Variants in DAAM1 observed in about 807,000 individuals in gnomAD.
The protein encoded by DAAM1 is dishevelled associated activator of morphogenesis 1, also known as disheveled-associated activator of morphogenesis 1.
In DAAM1, 52 loss-of-function variants were observed where a neutral mutation model predicts 130.0. The ratio of observed to expected loss-of-function variants is 0.40; its 90% CI spans 0.32 to 0.50. DAAM1 has a LOEUF of 0.50. DAAM1 is among the 20% of genes least tolerant of loss of function. The pLI, the probability that DAAM1 is intolerant of heterozygous loss-of-function variation, is 0.61. For synonymous variants in DAAM1, 452 were observed against 444.5 expected (o/e 1.02, Z -0.21); for missense variants, 1,134 against 1,303.8 (o/e 0.87, Z 2.01).
At chr14:59,198,203 CTTTCT>C (rs1361427561) in intron 1 of DAAM1, among the ~76,000 whole-genome samples, 27 of 144,910 alleles carry the variant, frequency 1.9e-4, no homozygotes, top group African/African-American at 6.4e-4. Flanking sequence ...CTTTTCTTTT[CTTTCT>C]TTTTTTTTTT....
At chr14:59,305,127 G>A (rs530660808) in intron 3 of DAAM1, among the ~76,000 whole-genome samples, 23 of 152,306 alleles carry the variant, frequency 1.5e-4, no homozygotes, top group African/African-American at 3.4e-4. Context: ...AGGGTTTAGC[G>A]TTGTGTGTCC....
At chr14:59,242,488 A>G (rs921233196) in intron 1 of DAAM1, among the ~76,000 whole-genome samples, 2 of 152,206 alleles carry the variant, frequency 1.3e-5, no homozygotes, top group African/African-American at 4.8e-5. Flanking sequence ...AGAGCTTACT[A>G]TGGCCAGACA....
chr14:59,317,413 A>ATGC (rs1325615833), intron 4 of DAAM1, among the ~76,000 whole-genome samples: 2 of 152,204 alleles, frequency 1.3e-5, no homozygotes, highest in Non-Finnish European at 2.9e-5. Context: ...AGTTCTGGCT[A>ATGC]ATCACTATGA....
At chr14:59,275,592 A>G (rs1666278616) in intron 2 of DAAM1, among the ~76,000 whole-genome samples, 1 of 152,224 alleles carries the variant, frequency 6.6e-6, no homozygotes, top group Non-Finnish European at 1.5e-5. Context: ...GATGCAGACT[A>G]TTAAAACTTG....
chr14:59,190,347 C>A (rs1359269802), intron 1 of DAAM1, among the ~76,000 whole-genome samples: 1 of 152,174 alleles, frequency 6.6e-6, no homozygotes, highest in Admixed American at 6.5e-5. Flanking sequence ...AAAATCTCTT[C>A]CCCCTTTCGG....
chr14:59,319,942 A>T (rs1331131814), intron 4 of DAAM1, among the ~76,000 whole-genome samples: 5 of 151,920 alleles, frequency 3.3e-5, no homozygotes, highest in African/African-American at 1.2e-4. Flanking sequence ...ACACACACAC[A>T]CACTCACTCC....
At chr14:59,268,855 T>G (rs1882581170) in intron 2 of DAAM1, among the ~76,000 whole-genome samples, 1 of 152,236 alleles carries the variant, frequency 6.6e-6, no homozygotes, top group Admixed American at 6.5e-5. Flanking sequence ...AACACTCACC[T>G]ATTGAAATAA....
chr14:59,356,455 GAA>G (rs1336039707), intron 20 of DAAM1, among the ~76,000 whole-genome samples: 1 of 152,212 alleles, frequency 6.6e-6, no homozygotes, highest in Non-Finnish European at 1.5e-5. Flanking sequence ...ACTAGCCTGT[GAA>G]GTACACAAGC....
chr14:59,364,597 T>G (rs1191602505), intron 23 of DAAM1, among the ~76,000 whole-genome samples: 1 of 152,214 alleles, frequency 6.6e-6, no homozygotes, highest in Non-Finnish European at 1.5e-5. Context: ...TTGGTTCTTT[T>G]ACTCTACCCA....
At chr14:59,205,266 G>A (rs535418763) in intron 1 of DAAM1, among the ~76,000 whole-genome samples, 2 of 152,120 alleles carry the variant, frequency 1.3e-5, no homozygotes, top group African/African-American at 4.8e-5. Context: ...AGTGTGTATT[G>A]GCAAAATTTA....
chr14:59,324,313 A>C, intron 7 of DAAM1, 38 bp from the exon 8 acceptor site: 1 of 1,493,182 alleles, frequency 6.7e-7, no homozygotes, highest in Non-Finnish European at 8.9e-7. Flanking sequence ...GTAGTCTAAA[A>C]ACCACAAATA....
At chr14:59,306,699 T>A (rs1594812123) in intron 3 of DAAM1, among the ~76,000 whole-genome samples, 1 of 151,968 alleles carries the variant, frequency 6.6e-6, no homozygotes, top group Admixed American at 6.6e-5. Flanking sequence ...TTTTTTTTTT[T>A]AATCAATAAT....
chr14:59,354,010 C>T, intron 19 of DAAM1, 46 bp downstream of exon 19: 1 of 1,575,906 alleles, frequency 6.3e-7, no homozygotes, highest in Non-Finnish European at 8.7e-7. Context: ...ATCATTACAA[C>T]CCATTTAAAA....
At chr14:59,319,025 A>T (rs558558505) in intron 4 of DAAM1, among the ~76,000 whole-genome samples, 1 of 152,344 alleles carries the variant, frequency 6.6e-6, no homozygotes, top group South Asian at 2.1e-4. Flanking sequence ...TGAGCTACAG[A>T]TTCAAAGTGA....
intron 3 of DAAM1, among the ~76,000 whole-genome samples, chr14:59,304,963 A>G (rs1294824313): frequency 6.6e-6 from 1 of 152,230 alleles, no homozygotes; most frequent in Non-Finnish European, 1.5e-5. Flanking sequence ...CAAATCATAA[A>G]CACACTTTGA....
chr14:59,322,495 C>T (rs1885049100), intron 5 of DAAM1, among the ~76,000 whole-genome samples: 1 of 94,130 alleles, frequency 1.1e-5, no homozygotes, highest in Non-Finnish European at 2.0e-5. Context: ...CCCTGTCTCT[C>T]TTAAAGAAAA....
At chr14:59,288,646 G>A (rs572750231) in intron 2 of DAAM1, among the ~76,000 whole-genome samples, 29 of 152,220 alleles carry the variant, frequency 1.9e-4, no homozygotes, top group Middle Eastern at 3.4e-3. Context: ...ATGAAAAAAT[G>A]CTAATCACTG....
intron 23 of DAAM1, 119 bp from the exon 24 acceptor site, chr14:59,367,310 A>G: frequency 1.4e-6 from 2 of 1,435,740 alleles, no homozygotes; most frequent in East Asian, 2.5e-5. Context: ...AAATAAAAAT[A>G]AATGAGCAAA....
In DAAM1 at chr14:59,271,006, T is replaced by G. The variant is rs1323989644; in HGVS notation, c.183+7346T>G. On this transcript the variant is annotated intron_variant, in intron 2 of 24. Transcript: ENST00000360909. ...CATTTCATAGTTTTAGAGGAGAGCT[T>G]TCATTTCTAATACACTACATCACTG... 2.0e-5 allele frequency among the ~76,000 whole-genome samples: 3 copies of G among 152,240 alleles called. No individual in the cohort carries two copies. In the East Asian group the frequency reaches 5.8e-4, roughly 29 times the overall value.
Sources: gnomAD v4.1 joint callset for allele counts (sites outside exome capture counted in the v4.1 genomes callset) on GRCh38, gnomAD v4.1.1 for gene constraint, MANE v1.5 for transcripts, NCBI Gene and HGNC (gene_info 2026-07-23, HGNC 2026-07-21) for gene names.